Variants in PRPF6 observed in about 807,000 individuals in gnomAD.
The protein encoded by PRPF6 is pre-mRNA-processing factor 6.
In PRPF6, 42 loss-of-function variants were observed where a neutral mutation model predicts 118.3. That is an observed-to-expected ratio of 0.35 (90% confidence interval 0.28 to 0.46). PRPF6 has a LOEUF of 0.46. Ranked by LOEUF, PRPF6 falls within the 20% of genes least tolerant of loss-of-function variation. PRPF6 has a pLI of 1.00. For synonymous variants in PRPF6, 481 were observed against 485.1 expected (o/e 0.99, Z 0.11); for missense variants, 662 against 1,255.7 (o/e 0.53, Z 7.15).
In PRPF6 at chr20:64,022,869, A is replaced by G; in HGVS notation, c.1760A>G (p.His587Arg). The change falls in exon 13 of 21, where the codon CAT becomes CGT. Residue 587 changes from histidine (H) to arginine (R), a missense_variant. His to Arg is a conservative substitution (Grantham distance 29). Transcript: ENST00000266079. ...CGCGCCGCGTACTTCGAGAAGAACC[A>G]TGGCACTCGGTATGTGGTGGGACCC... ...WLRAAYFEKN[H>R]GTRESLEALL... 6.2e-7 allele frequency: 1 copy of G among 1,614,042 alleles called. No individual in the cohort carries two copies. The highest frequency in any genetic ancestry group is 8.5e-7 in the Non-Finnish European group (1 of 1,179,986).
intron 3 of PRPF6, among the ~76,000 whole-genome samples, chr20:63,992,919 A>C (rs1168930460): frequency 1.3e-5 from 2 of 151,956 alleles, no homozygotes; most frequent in East Asian, 3.9e-4. Context: ...TAGTTACCTT[A>C]AAATATATTT....
chr20:64,028,484 G>C lies in PRPF6; in HGVS notation c.2346G>C (p.Glu782Asp), dbSNP rs1337693268. 1.9e-6 allele frequency: 3 copies of C among 1,613,928 alleles called. No homozygotes were observed. Among genetic ancestry groups the C allele is most frequent in the Non-Finnish European group, 2.5e-6 (3 of 1,180,000 alleles). ...KNPKNPGLWL[E>D]SVRLEYRAGL... is the part of the protein sequence containing the mutation. ...CGGGGGCCTGTCTCCTCAGGTTGGA[G>C]TCCGTGCGGCTGGAGTACCGTGCGG... Residue 782 changes from glutamate to aspartate, a missense_variant, in exon 18 of 21, where the codon GAG becomes GAC. This residue lies in a region of PRPF6 where 244 missense variants were observed against 383.7 expected (regional missense o/e 0.64). Transcript: ENST00000266079. This position sits in a 1 kb window ranked among gnomAD's most constrained non-coding sequence, Gnocchi z 6.5.
intron 7 of PRPF6, 42 bp from the exon 8 acceptor site, chr20:63,999,560 CT>C (rs1569215461): frequency 6.2e-7 from 1 of 1,612,672 alleles, no homozygotes; most frequent in South Asian, 1.1e-5. Context: ...GGGTGCACCC[CT>C]GACAGCATGG....
Position 64,028,046 on chromosome 20 carries a change from G to A in PRPF6, c.2339+310G>A, listed in dbSNP as rs796740573. On this transcript the variant is annotated intron_variant, in intron 17 of 20. Coordinates refer to ENST00000266079, the MANE Select transcript of PRPF6 (RefSeq NM_012469.4). This position sits in a 1 kb window ranked among gnomAD's most constrained non-coding sequence, Gnocchi z 6.5. ...GACCCCGGAGAGCCAGCTCCACAGAGGAGGTGGCGTGGAGAGCCCTGGAGG... is the reference window on the plus strand; with the variant it reads ...GACCCCGGAGAGCCAGCTCCACAGAAGAGGTGGCGTGGAGAGCCCTGGAGG... Among the ~76,000 whole-genome samples, 4 of 152,320 alleles carry A rather than the reference G, an allele frequency of 2.6e-5. No homozygotes were observed. Among genetic ancestry groups the A allele is most frequent in the African/African-American group, 9.6e-5 (4 of 41,568 alleles).
At chr20:64,017,574 C>T (rs1418283166) in intron 12 of PRPF6, among the ~76,000 whole-genome samples, 2 of 148,694 alleles carry the variant, frequency 1.3e-5, no homozygotes, top group East Asian at 2.0e-4. Flanking sequence ...GGATCACAGG[C>T]GTGAGCTGCC....
rs761935343 is a variant in PRPF6, at chr20:64,032,837, C to G, written c.2674-4C>G. 23 of 1,605,910 alleles carry G rather than the reference C, an allele frequency of 1.4e-5. No homozygotes were observed. In the South Asian group the frequency reaches 2.2e-4, roughly 15 times the overall value. On this transcript the variant is annotated splice_region_variant and splice_polypyrimidine_tract_variant and intron_variant, in intron 20 of 20. Transcript: ENST00000266079. Reference sequence around the variant, plus strand: ...CTGCCTGACGTGCCCTGTGGTCCCCCCAGGAGCAGCAGGAGGAGGTGAGGA... The same window carrying G: ...CTGCCTGACGTGCCCTGTGGTCCCCGCAGGAGCAGCAGGAGGAGGTGAGGA...
chr20:64,013,701 A>G (rs1000517404), intron 11 of PRPF6, among the ~76,000 whole-genome samples: 7 of 152,010 alleles, frequency 4.6e-5, no homozygotes, highest in Non-Finnish European at 8.8e-5. Context: ...CAGCCTCCCA[A>G]AGTGTTGAGA....
In PRPF6 at chr20:64,029,614, C is replaced by T; in HGVS notation, c.2546+123C>T. On this transcript the variant is annotated intron_variant, in intron 19 of 20. Transcript: ENST00000266079. This position sits in a 1 kb window ranked among gnomAD's most constrained non-coding sequence, Gnocchi z 4.8. ...GGCAGCAGGGTGGGCTTCCCCGATC[C>T]TCGGCTGCCGTCGCTCCTGCTGTGG... 3.5e-6 allele frequency: 3 copies of T among 865,668 alleles called. 1 individual carries two copies. In the South Asian group the frequency reaches 4.3e-5, roughly 13 times the overall value. The allele number at this position is 865,668 out of a possible 1,614,324, so 53.6% of individuals were successfully genotyped here. A position where few individuals can be genotyped will look rare whatever the true frequency, so the allele number is the denominator to read the frequency against.
chr20:64,020,783 TA>T (rs1044410660), intron 12 of PRPF6, among the ~76,000 whole-genome samples: 1 of 131,458 alleles, frequency 7.6e-6, no homozygotes, highest in African/African-American at 2.9e-5. Flanking sequence ...ATACTATACC[TA>T]ATTTTTTTTT....
chr20:64,022,344 G>T (rs192352769), intron 12 of PRPF6, among the ~76,000 whole-genome samples: 1 of 152,270 alleles, frequency 6.6e-6, no homozygotes. Flanking sequence ...GTGTGACTCT[G>T]TCGCCCAGGC....
Position 64,027,061 on chromosome 20 carries a change from G to A in PRPF6, c.2108G>A (p.Arg703Gln), listed in dbSNP as rs761921786. Residue 703 changes from arginine to glutamine, a missense_variant, in exon 16 of 21, where the codon CGG becomes CAG. Around this residue, in one of 10 missense-constraint regions of PRPF6, gnomAD observed 244 missense variants for 383.7 expected, o/e 0.64. Coordinates refer to ENST00000266079, the MANE Select transcript of PRPF6 (RefSeq NM_012469.4). The surrounding 1 kb of genome is among the most constrained non-coding windows in gnomAD (Gnocchi z 6.5). Reference protein sequence around the residue: ...AAQDLCEEALRHYEDFPKLWM... With the variant: ...AAQDLCEEALQHYEDFPKLWM... ...CAAGATCTGTGCGAGGAGGCCCTGC[G>A]GCACTATGAGGACTTCCCCAAGCTG... is the stretch of plus-strand genomic sequence containing the variant. 2.5e-6 allele frequency: 4 copies of A among 1,614,072 alleles called. No individual in the cohort carries two copies. The highest frequency in any genetic ancestry group is 1.7e-4 in the Middle Eastern group (1 of 6,046).
chr20:63,983,028 T>C lies in PRPF6; in HGVS notation c.72-19T>C. The C allele has an allele frequency of 1.9e-6, 3 of 1,613,296 alleles. No homozygotes were observed. The highest frequency in any genetic ancestry group is 1.1e-5 in the South Asian group (1 of 90,952). On this transcript the variant is annotated intron_variant, in intron 1 of 20. Coordinates refer to ENST00000266079, the MANE Select transcript of PRPF6 (RefSeq NM_012469.4). ...AACAGAGTTATTCAGACACCCGGTG[T>C]CTTGGGGGTCTCCTGCAGCGCCACT...
At chr20:63,981,646 C>G (rs1265851421) in intron 1 of PRPF6, among the ~76,000 whole-genome samples, 3 of 143,756 alleles carry the variant, frequency 2.1e-5, no homozygotes, top group Admixed American at 6.9e-5. Context: ...CTGACACTCC[C>G]CCCCCCCGCC....
Position 63,981,314 on chromosome 20 carries a change from G to C in PRPF6, c.69G>C (p.Arg23=). ...APLGYVPGLG[R]GATGFTTRSD... ...TCGGCTACGTGCCGGGGCTGGGCCG[G>C]GGGTGAGGCCTGGGGCGGCGCGCGA... Residue 23 remains arginine, a splice_region_variant and synonymous_variant, in exon 1 of 21, where the codon CGG becomes CGC. Transcript: ENST00000266079. The C allele has an allele frequency of 6.3e-7, 1 of 1,596,036 alleles. No individual in the cohort carries two copies. Among genetic ancestry groups the C allele is most frequent in the Non-Finnish European group, 8.5e-7 (1 of 1,171,506 alleles).
chr20:64,006,617 G>A (rs1476821077), intron 9 of PRPF6, among the ~76,000 whole-genome samples: 1 of 152,206 alleles, frequency 6.6e-6, no homozygotes, highest in Non-Finnish European at 1.5e-5. Flanking sequence ...ACCACACCCG[G>A]CCTTTGGACC....
chr20:63,998,284 G>A (rs924225796), intron 6 of PRPF6, among the ~76,000 whole-genome samples: 7 of 151,296 alleles, frequency 4.6e-5, no homozygotes, highest in African/African-American at 9.7e-5. Flanking sequence ...TAGTAGACAC[G>A]GGGTTTCACC....
intron 3 of PRPF6, among the ~76,000 whole-genome samples, chr20:63,985,862 T>G (rs2059090868): frequency 6.6e-6 from 1 of 152,164 alleles, no homozygotes. Context: ...ACTCAGACTA[T>G]TCTGAAAAAT....
Position 63,981,317 on chromosome 20 carries a change from G to A in PRPF6, c.71+1G>A. 6.3e-7 allele frequency: 1 copy of A among 1,591,188 alleles called. No individual in the cohort carries two copies. Among genetic ancestry groups the A allele is most frequent in the Non-Finnish European group, 8.6e-7 (1 of 1,168,892 alleles). On this transcript the variant is annotated splice_donor_variant, in intron 1 of 20. Transcript: ENST00000266079. LOFTEE classifies it high-confidence loss of function. ...GCTACGTGCCGGGGCTGGGCCGGGG[G>A]TGAGGCCTGGGGCGGCGCGCGAGGG...
At chr20:63,982,592 C>T (rs558590685) in intron 1 of PRPF6, among the ~76,000 whole-genome samples, 1 of 152,220 alleles carries the variant, frequency 6.6e-6, no homozygotes, top group East Asian at 1.9e-4. Context: ...GAGTCATAGT[C>T]TGGGAAGGAG....
Sources: allele counts gnomAD v4.1 joint callset (sites outside exome capture counted in the v4.1 genomes callset), GRCh38; gene constraint gnomAD v4.1.1; regional missense constraint gnomAD v4.1.1; non-coding constraint Gnocchi (gnomAD v3.1); transcripts MANE v1.5; gene names NCBI Gene and HGNC (gene_info 2026-07-23, HGNC 2026-07-21).